The following ROBO2 variants were observed in gnomAD, a reference collection of about 807,000 sequenced individuals.
ROBO2 encodes the protein roundabout homolog 2.
Under a neutral mutation model 160.8 loss-of-function variants are expected in ROBO2, and 53 were observed. The observed-to-expected ratio is 0.33, with a 90% CI of 0.26 to 0.41. The LOEUF (loss-of-function observed/expected upper bound fraction) is 0.41. ROBO2 is among the 10% of genes least tolerant of loss of function. The pLI is 1.00. For synonymous variants in ROBO2, 664 were observed against 611.7 expected (o/e 1.09, Z -1.26); for missense variants, 1,577 against 1,722.4 (o/e 0.92, Z 1.49).
At chr3:77,371,679 T>C (rs1293933539) in intron 2 of ROBO2, among the ~76,000 whole-genome samples, 1 of 152,190 alleles carries the variant, frequency 6.6e-6, no homozygotes, top group Admixed American at 6.5e-5. Context: ...CAAAATACAT[T>C]TACTGTTCTA....
At chr3:77,045,613 C>T (rs1487607233) in intron 1 of ROBO2, among the ~76,000 whole-genome samples, 1 of 152,190 alleles carries the variant, frequency 6.6e-6, no homozygotes, top group Non-Finnish European at 1.5e-5. Context: ...ATGGCTTCCA[C>T]CATTCATAGG....
intron 2 of ROBO2, among the ~76,000 whole-genome samples, chr3:76,310,107 C>T (rs1360428627): frequency 6.6e-6 from 1 of 152,016 alleles, no homozygotes; most frequent in Non-Finnish European, 1.5e-5. Context: ...CAGATGTGAG[C>T]CACCACGTCA....
intron 2 of ROBO2, among the ~76,000 whole-genome samples, chr3:76,932,235 C>T (rs970689173): frequency 3.3e-5 from 5 of 151,792 alleles, no homozygotes; most frequent in Admixed American, 3.3e-4. Flanking sequence ...AAGAGAAAAA[C>T]AAAAGTTGGA....
intron 2 of ROBO2, among the ~76,000 whole-genome samples, chr3:76,370,768 C>T (rs967561185): frequency 6.6e-6 from 1 of 151,874 alleles, no homozygotes; most frequent in Non-Finnish European, 1.5e-5. Context: ...TGAGGTAATT[C>T]AATTGATTTT....
At chr3:77,301,887 T>G (rs1217098065) in intron 2 of ROBO2, among the ~76,000 whole-genome samples, 1 of 151,854 alleles carries the variant, frequency 6.6e-6, no homozygotes, top group Non-Finnish European at 1.5e-5. Flanking sequence ...TTCCTTTTTT[T>G]TTTTCTTTTT....
At chr3:77,049,199 G>A (rs2064983211) in intron 1 of ROBO2, among the ~76,000 whole-genome samples, 3 of 152,004 alleles carry the variant, frequency 2.0e-5, no homozygotes, top group Admixed American at 6.6e-5. Context: ...GCATGGTGGT[G>A]TCCACTTGTG....
At chr3:76,144,805 T>C (rs902638679) in intron 2 of ROBO2, among the ~76,000 whole-genome samples, 3 of 152,010 alleles carry the variant, frequency 2.0e-5, no homozygotes, top group Admixed American at 6.6e-5. Flanking sequence ...AAATATTGAA[T>C]GTACATACAT....
intron 6 of ROBO2, among the ~76,000 whole-genome samples, chr3:77,529,538 A>G (rs2091466384): frequency 6.6e-6 from 1 of 151,824 alleles, no homozygotes; most frequent in Non-Finnish European, 1.5e-5. Context: ...TTTATGTTAT[A>G]GAATAGTATG....
chr3:77,398,622 C>T lies in ROBO2; in HGVS notation c.389-78792C>T, dbSNP rs531807535. ...TTTTAGAGACAGTCTCACTCTCCCG[C>T]CCTGGCTGGAGTGTAATGGCATGAT... is the stretch of plus-strand genomic sequence containing the variant. On this transcript the variant is annotated intron_variant, in intron 2 of 25. Transcript: ENST00000461745. Among the ~76,000 whole-genome samples the T allele has an allele frequency of 2.0e-5, 3 of 152,140 alleles. No homozygotes were observed. In the South Asian group the frequency reaches 6.2e-4, roughly 32 times the overall value.
chr3:77,410,702 C>CTCCTCCTCCTCT (rs1560758814), intron 2 of ROBO2, among the ~76,000 whole-genome samples: 20 of 97,634 alleles, frequency 2.0e-4, no homozygotes, highest in African/African-American at 9.2e-4. Flanking sequence ...CCTCCTCTTC[C>CTCCTCCTCCTCT]TCCTCCTCCT....
intron 2 of ROBO2, among the ~76,000 whole-genome samples, chr3:76,708,938 C>T (rs541209056): frequency 5.3e-5 from 8 of 152,182 alleles, no homozygotes; most frequent in Non-Finnish European, 1.2e-4. Context: ...ATGAGAATCA[C>T]TGGGACAGTG....
chr3:77,620,150 C>T (rs905247060), intron 22 of ROBO2, among the ~76,000 whole-genome samples: 2 of 152,138 alleles, frequency 1.3e-5, no homozygotes, highest in African/African-American at 4.8e-5. Context: ...TTTCAGAATG[C>T]CTTGGCTGAC....
At chr3:77,634,951 A>G in exon 24 of ROBO2, 1 of 1,614,138 alleles carries the variant, frequency 6.2e-7, no homozygotes, top group Middle Eastern at 1.6e-4. Flanking sequence ...GCCCTGAGTC[A>G]AAGTCAGAGG....
At chr3:76,653,219 T>A (rs888456608) in intron 2 of ROBO2, among the ~76,000 whole-genome samples, 5 of 152,010 alleles carry the variant, frequency 3.3e-5, no homozygotes, top group Non-Finnish European at 7.4e-5. Flanking sequence ...AAAACCTATA[T>A]ATTGTCTTCT....
chr3:76,407,484 C>T (rs899839646), intron 2 of ROBO2, among the ~76,000 whole-genome samples: 1 of 151,754 alleles, frequency 6.6e-6, no homozygotes, highest in East Asian at 1.9e-4. Flanking sequence ...ATGTTTGAAG[C>T]AGAGTTAATA....
chr3:77,634,742 A>T (rs879539362), intron 23 of ROBO2, 128 bp from the exon 25 acceptor site: 86 of 894,152 alleles, frequency 9.6e-5, no homozygotes, highest in Non-Finnish European at 1.6e-4. Context: ...GAGATGCACC[A>T]ATATTTGGTA....
intron 2 of ROBO2, among the ~76,000 whole-genome samples, chr3:76,163,805 TC>T (rs984672006): frequency 2.5e-4 from 38 of 152,166 alleles, no homozygotes; most frequent in African/African-American, 8.2e-4. Flanking sequence ...TGAGTTGTAA[TC>T]TTTTCATGGT....
At chr3:77,137,359 T>C (rs181145910) in intron 2 of ROBO2, among the ~76,000 whole-genome samples, 121 of 152,286 alleles carry the variant, frequency 7.9e-4, no homozygotes, top group Non-Finnish European at 1.5e-3. Flanking sequence ...CCTGAATAGC[T>C]GGGATTACAG....
chr3:76,332,863 C>T (rs1384271632), intron 2 of ROBO2, among the ~76,000 whole-genome samples: 1 of 152,156 alleles, frequency 6.6e-6, no homozygotes, highest in Non-Finnish European at 1.5e-5. Context: ...AAGTTATGAG[C>T]CATGTAGGGA....
Sources: allele counts gnomAD v4.1 joint callset (sites outside exome capture counted in the v4.1 genomes callset), GRCh38; gene constraint gnomAD v4.1.1; transcripts MANE v1.5; gene names NCBI Gene and HGNC (gene_info 2026-07-23, HGNC 2026-07-21).